Variants in KALRN observed in about 807,000 individuals in gnomAD.
KALRN encodes the protein kalirin.
KALRN carries 70 observed loss-of-function variants against 353.7 expected under a neutral mutation model. The ratio of observed to expected loss-of-function variants is 0.20; its 90% confidence interval spans 0.16 to 0.24. The LOEUF (loss-of-function observed/expected upper bound fraction) is 0.24. KALRN is among the 10% of genes least tolerant of loss of function. The pLI is 1.00. For missense variants in KALRN, 2,791 were observed against 3,756.7 expected (o/e 0.74, Z 6.72); for synonymous variants, 1,391 against 1,434.8 (o/e 0.97, Z 0.69).
chr3:124,270,369 C>T (rs147608979), intron 5 of KALRN, among the ~76,000 whole-genome samples: 138 of 152,094 alleles, frequency 9.1e-4, no homozygotes, highest in Non-Finnish European at 1.2e-4. Context: ...TAAGTGTGAT[C>T]CCAATTTATG....
At chr3:124,556,953 T>G (rs1351376865) in intron 33 of KALRN, among the ~76,000 whole-genome samples, 2 of 152,248 alleles carry the variant, frequency 1.3e-5, no homozygotes, top group African/African-American at 2.4e-5. Context: ...AATTTTTTAC[T>G]TTATATAAGT....
intron 36 of KALRN, among the ~76,000 whole-genome samples, chr3:124,636,347 AAAAAGCC>A (rs1381846174): frequency 6.6e-6 from 1 of 152,220 alleles, no homozygotes; most frequent in East Asian, 1.9e-4. Flanking sequence ...AAGAAGGAAG[AAAAAGCC>A]AAACAAAAAA....
intron 33 of KALRN, among the ~76,000 whole-genome samples, chr3:124,509,112 T>C (rs2065576295): frequency 6.6e-6 from 1 of 152,254 alleles, no homozygotes; most frequent in Non-Finnish European, 1.5e-5. Context: ...TCGTTCTCCT[T>C]ATTGTGTCTT....
intron 1 of KALRN, among the ~76,000 whole-genome samples, chr3:124,130,121 C>G (rs1373254375): frequency 6.6e-6 from 1 of 152,152 alleles, no homozygotes; most frequent in Non-Finnish European, 1.5e-5. Flanking sequence ...GCCCATGTGA[C>G]CAGAACTTAT....
intron 34 of KALRN, among the ~76,000 whole-genome samples, chr3:124,574,011 G>A (rs1404390604): frequency 3.9e-5 from 6 of 152,204 alleles, no homozygotes; most frequent in African/African-American, 1.4e-4. Context: ...TGTGATGGGG[G>A]TTGTGCTGAC....
intron 10 of KALRN, among the ~76,000 whole-genome samples, chr3:124,365,857 C>G (rs2084618524): frequency 6.6e-6 from 1 of 152,226 alleles, no homozygotes; most frequent in Non-Finnish European, 1.5e-5. Context: ...CCAAAACTTA[C>G]AGTGCCACTT....
intron 34 of KALRN, among the ~76,000 whole-genome samples, chr3:124,614,803 C>T (rs1259471082): frequency 6.6e-6 from 1 of 152,136 alleles, no homozygotes; most frequent in Non-Finnish European, 1.5e-5. Context: ...AACTCCTGGA[C>T]TCAAGCAGTC....
chr3:124,517,322 C>T (rs779317797), intron 33 of KALRN, among the ~76,000 whole-genome samples: 7 of 152,168 alleles, frequency 4.6e-5, no homozygotes, highest in Non-Finnish European at 1.0e-4. Context: ...GAAGTATTTT[C>T]TCTCACTAAA....
intron 34 of KALRN, among the ~76,000 whole-genome samples, chr3:124,570,424 T>G (rs2073379849): frequency 6.6e-6 from 1 of 152,188 alleles, no homozygotes; most frequent in Non-Finnish European, 1.5e-5. Flanking sequence ...ACTCACTTCC[T>G]CATAGAAGCA....
At chr3:124,580,296 G>C (rs1396403154) in intron 34 of KALRN, among the ~76,000 whole-genome samples, 1 of 149,128 alleles carries the variant, frequency 6.7e-6, no homozygotes, top group Admixed American at 6.7e-5. Flanking sequence ...CAGACACCTG[G>C]GGAACTTTTA....
chr3:124,518,947 C>G lies in KALRN; in HGVS notation c.4935+22534C>G, dbSNP rs965075530. On this transcript the variant is annotated intron_variant, in intron 33 of 59. Coordinates refer to ENST00000682506, the MANE Select transcript of KALRN (RefSeq NM_001388419.1). ...CCCATCATTCTAATCTAGCTTGTAT[C>G]CCCACATCATGAGAAAGAGGGAAGA... is the stretch of plus-strand genomic sequence containing the variant. 9.3e-5 allele frequency: 92 copies of G among 992,298 alleles called. No homozygotes were observed. The African/African-American group carries it at 1.5e-3, about 16-fold the overall frequency. The allele number at this position is 992,298 out of a possible 1,614,324, so 61.5% of individuals were successfully genotyped here.
chr3:124,146,327 T>C (rs1375063754), intron 1 of KALRN, among the ~76,000 whole-genome samples: 1 of 152,234 alleles, frequency 6.6e-6, no homozygotes, highest in Non-Finnish European at 1.5e-5. Context: ...AGAGTAATTT[T>C]ATGTCTGTTG....
intron 43 of KALRN, 21 bp from the exon 44 acceptor site, chr3:124,660,902 C>T (rs2084786061): frequency 6.3e-7 from 1 of 1,591,702 alleles, no homozygotes; most frequent in South Asian, 1.1e-5. Context: ...CACACTCTTG[C>T]CTGCTTCCCC....
intron 6 of KALRN, among the ~76,000 whole-genome samples, chr3:124,312,357 C>T (rs1355119450): frequency 2.0e-5 from 3 of 152,064 alleles, no homozygotes; most frequent in Non-Finnish European, 4.4e-5. Context: ...GATGGGGTTT[C>T]GCCATGTTGG....
intron 1 of KALRN, among the ~76,000 whole-genome samples, chr3:124,179,300 T>A (rs989861900): frequency 2.0e-5 from 3 of 152,184 alleles, no homozygotes; most frequent in Non-Finnish European, 2.9e-5. Flanking sequence ...ACTTTTTTTT[T>A]AACAAATAAA....
At position 124,678,325 on chromosome 3, in the gene KALRN, A is replaced by G. The variant is rs760416981; in HGVS notation, c.7317+12A>G. Reference sequence around the variant, plus strand: ...AAGTCTCTGTTAAAGTGAGTAAGGTATTCCGGAGCTGCGTCCCCACCTGTC... The same window carrying G: ...AAGTCTCTGTTAAAGTGAGTAAGGTGTTCCGGAGCTGCGTCCCCACCTGTC... On this transcript the variant is annotated intron_variant, in intron 50 of 59. Transcript: ENST00000682506. The G allele has an allele frequency of 6.2e-7, 1 of 1,612,482 alleles. No homozygotes were observed. Among genetic ancestry groups the G allele is most frequent in the Non-Finnish European group, 8.5e-7 (1 of 1,178,932 alleles).
chr3:124,583,989 A>C (rs1199624648), intron 34 of KALRN, among the ~76,000 whole-genome samples: 3 of 152,194 alleles, frequency 2.0e-5, no homozygotes. Context: ...GCAAGACCCG[A>C]GACCCTGCCT....
intron 37 of KALRN, among the ~76,000 whole-genome samples, chr3:124,643,995 TAAATGTACTTATTTAACAA>T: frequency 6.6e-6 from 1 of 152,328 alleles, no homozygotes; most frequent in Non-Finnish European, 1.5e-5. Context: ...AAAGAGTAGC[TAAATGTACTTATTTAACAA>T]AAATTCCAAA....
chr3:124,165,720 G>A (rs2070733298), intron 1 of KALRN, among the ~76,000 whole-genome samples: 1 of 152,146 alleles, frequency 6.6e-6, no homozygotes, highest in Non-Finnish European at 1.5e-5. Context: ...TTCCTGTATT[G>A]TAAATATTTT....
Sources: gnomAD v4.1 joint callset for allele counts (sites outside exome capture counted in the v4.1 genomes callset) on GRCh38, gnomAD v4.1.1 for gene constraint, MANE v1.5 for transcripts, NCBI Gene and HGNC (gene_info 2026-07-23, HGNC 2026-07-21) for gene names.